ACOX3: variants seen among roughly 807,000 people sequenced by gnomAD.
The protein encoded by ACOX3 is acyl-CoA oxidase 3, pristanoyl, also known as peroxisomal acyl-coenzyme A oxidase 3.
Under a neutral mutation model 81.5 loss-of-function variants are expected in ACOX3, and 73 were observed. That is an observed-to-expected ratio of 0.90 (90% CI 0.74 to 1.09). ACOX3 has a LOEUF of 1.09. Among genes scored for constraint, ACOX3 ranks in the 50% least tolerant of loss-of-function variants. The pLI is 0.00. For synonymous variants in ACOX3, 387 were observed against 375.1 expected (o/e 1.03, Z -0.37); for missense variants, 947 against 928.0 (o/e 1.02, Z -0.27).
chr4:8,404,350 T>G (rs1055346965), intron 7 of ACOX3, among the ~76,000 whole-genome samples: 5 of 152,050 alleles, frequency 3.3e-5, no homozygotes, highest in African/African-American at 4.8e-5. Flanking sequence ...AGGTTCCTTG[T>G]ATTATTTTAG....
chr4:8,382,208 T>C lies in ACOX3; in HGVS notation c.1538-601A>G, dbSNP rs900421790. ...CAAAAGGGCAGGAGGGAGCAGATGT[T>C]GCAGACAGGGAGGCCCCGGGGTGGG... On this transcript the variant is annotated intron_variant, in intron 13 of 17. Coordinates refer to ENST00000356406, the MANE Select transcript of ACOX3 (RefSeq NM_003501.3). This position sits in a 1 kb window ranked among gnomAD's most constrained non-coding sequence, Gnocchi z 4.1. 4.6e-5 allele frequency among the ~76,000 whole-genome samples: 7 copies of C among 152,120 alleles called. No individual in the cohort carries two copies. Among genetic ancestry groups the C allele is most frequent in the African/African-American group, 1.7e-4 (7 of 41,436 alleles).
In ACOX3 at chr4:8,430,622, G is replaced by C. The variant is rs1455049573; in HGVS notation, c.-15+10026C>G. ...TATAATCTTAGCACTTTGGGAGGTC[G>C]AGGTGGGCAGATCACTTGAGGTCAG... On this transcript the variant is annotated intron_variant, in intron 1 of 17. Coordinates refer to ENST00000356406, the MANE Select transcript of ACOX3 (RefSeq NM_003501.3). The surrounding 1 kb of genome is among the most constrained non-coding windows in gnomAD (Gnocchi z 5.2). 6.6e-6 allele frequency among the ~76,000 whole-genome samples: 1 copy of C among 152,150 alleles called. No individual in the cohort carries two copies. The highest frequency in any genetic ancestry group is 1.9e-4 in the East Asian group (1 of 5,186).
In ACOX3 at chr4:8,399,462, C is replaced by T; in HGVS notation, c.873+94G>A. 8.9e-7 allele frequency: 1 copy of T among 1,129,858 alleles called. No individual in the cohort carries two copies. Among genetic ancestry groups the T allele is most frequent in the South Asian group, 1.4e-5 (1 of 72,774 alleles). 70.0% of individuals were successfully genotyped at this position (1,129,858 alleles called of 1,614,324 possible). A position where few individuals can be genotyped will look rare whatever the true frequency, so the allele number is the denominator to read the frequency against. The stretch of plus-strand genomic sequence containing the variant: ...CGACACCTGGCCTACGTGGAGGGGT[C>T]TCCTTTCCAGGTGCAGGGAGGAGCA... On this transcript the variant is annotated intron_variant, in intron 8 of 17. Coordinates refer to ENST00000356406, the MANE Select transcript of ACOX3 (RefSeq NM_003501.3). This position sits in a 1 kb window ranked among gnomAD's most constrained non-coding sequence, Gnocchi z 4.9.
chr4:8,398,701 C>T (rs892406147), intron 8 of ACOX3, among the ~76,000 whole-genome samples: 5 of 152,204 alleles, frequency 3.3e-5, no homozygotes, highest in Admixed American at 1.3e-4. Context: ...GTCTGGAACT[C>T]CTGGGCTCAA....
Position 8,394,510 on chromosome 4 carries a change from G to T in ACOX3, c.1179+110C>A. The T allele has an allele frequency of 1.4e-6, 2 of 1,477,156 alleles. No homozygotes were observed. Among genetic ancestry groups the T allele is most frequent in the East Asian group, 2.4e-5 (1 of 41,860 alleles). The allele number at this position is 1,477,156 out of a possible 1,614,324, so 91.5% of individuals were successfully genotyped here. A position where few individuals can be genotyped will look rare whatever the true frequency, so the allele number is the denominator to read the frequency against. On this transcript the variant is annotated intron_variant, in intron 10 of 17. Coordinates refer to ENST00000356406, the MANE Select transcript of ACOX3 (RefSeq NM_003501.3). This position sits in a 1 kb window ranked among gnomAD's most constrained non-coding sequence, Gnocchi z 5.9. ...GTGGGAACAACTGGAGGAATGCTCT[G>T]TCCTCGCAAATCAAAGGACTGATTT...
chr4:8,393,611 A>ACACG (rs1278288537), intron 10 of ACOX3, among the ~76,000 whole-genome samples: 6 of 116,004 alleles, frequency 5.2e-5, no homozygotes, highest in Non-Finnish European at 1.1e-4. Context: ...GAAGACACAC[A>ACACG]CACGCACACA....
intron 1 of ACOX3, among the ~76,000 whole-genome samples, chr4:8,420,797 C>G (rs931569129): frequency 9.2e-5 from 14 of 152,212 alleles, no homozygotes; most frequent in African/African-American, 3.1e-4. Flanking sequence ...TTCCACCCCT[C>G]CGGATCCAGC....
rs1227670359 is a variant in ACOX3 at position 8,414,624 on chromosome 4, A to T, written c.453+230T>A. ...AAGGTGGCAGGAACTGCTCATCAGG[A>T]AAAGACAGTGGAAGGCCTCAGTGAC... is the stretch of plus-strand genomic sequence containing the variant. On this transcript the variant is annotated intron_variant, in intron 4 of 17. Coordinates refer to ENST00000356406, the MANE Select transcript of ACOX3 (RefSeq NM_003501.3). The surrounding 1 kb of genome is among the most constrained non-coding windows in gnomAD (Gnocchi z 6.1). Among the ~76,000 whole-genome samples the T allele has an allele frequency of 6.6e-6, 1 of 152,192 alleles. No individual in the cohort carries two copies. Among genetic ancestry groups the T allele is most frequent in the Non-Finnish European group, 1.5e-5 (1 of 68,028 alleles).
At chr4:8,435,388 C>T (rs1324301279) in intron 1 of ACOX3, among the ~76,000 whole-genome samples, 1 of 152,004 alleles carries the variant, frequency 6.6e-6, no homozygotes, top group Non-Finnish European at 1.5e-5. Context: ...CCCAGCTACT[C>T]AAGAGGCTGA....
At chr4:8,435,801 T>G (rs1050722020) in intron 1 of ACOX3, among the ~76,000 whole-genome samples, 2 of 152,170 alleles carry the variant, frequency 1.3e-5, no homozygotes, top group Non-Finnish European at 2.9e-5. Context: ...GAAGCCAGTT[T>G]TGCAGGAGCC....
downstream of ACOX3, among the ~76,000 whole-genome samples, chr4:8,362,739 G>T (rs1450842445): frequency 5.3e-5 from 8 of 152,202 alleles, no homozygotes; most frequent in Non-Finnish European, 1.2e-4. Context: ...AAGCTATCTT[G>T]AGGCTCAAGA....
In ACOX3 at chr4:8,432,380, C is replaced by G. The variant is rs1724006917; in HGVS notation, c.-15+8268G>C. Among the ~76,000 whole-genome samples, 1 of 151,940 alleles carries G rather than the reference C, an allele frequency of 6.6e-6. No individual in the cohort carries two copies. Among genetic ancestry groups the G allele is most frequent in the Non-Finnish European group, 1.5e-5 (1 of 67,980 alleles). On this transcript the variant is annotated intron_variant, in intron 1 of 17. Transcript: ENST00000356406. This position sits in a 1 kb window ranked among gnomAD's most constrained non-coding sequence, Gnocchi z 6.2. ...TCCCGAGTAGCTGGGACTACAGGCG[C>G]CCACCACCACGCCCGGCTAATTTTT...
In ACOX3 at chr4:8,374,851, C is replaced by T. The variant is rs1409789465; in HGVS notation, c.1828+127G>A. On this transcript the variant is annotated intron_variant, in intron 15 of 17. Coordinates refer to ENST00000356406, the MANE Select transcript of ACOX3 (RefSeq NM_003501.3). Reference sequence around the variant, plus strand: ...TGGAACTGGGCTTCTCATCTGTCCACAGCGCCATCCGCCGTGCTCAGTGAG... The same window carrying T: ...TGGAACTGGGCTTCTCATCTGTCCATAGCGCCATCCGCCGTGCTCAGTGAG... 2.0e-5 allele frequency: 21 copies of T among 1,076,660 alleles called. No homozygotes were observed. The East Asian group carries it at 5.6e-4, about 29-fold the overall frequency. 66.7% of individuals were successfully genotyped at this position (1,076,660 alleles called of 1,614,324 possible).
chr4:8,426,410 C>T (rs535594461), intron 1 of ACOX3, among the ~76,000 whole-genome samples: 24 of 152,186 alleles, frequency 1.6e-4, no homozygotes, highest in Non-Finnish European at 2.9e-4. Flanking sequence ...CAGGAGACAA[C>T]GCTAGCTATT....
rs534007401 is a variant in ACOX3 at position 8,366,699 on chromosome 4, A to T, written c.*262T>A. The T allele has an allele frequency of 6.2e-5, 18 of 291,512 alleles. No individual in the cohort carries two copies. Among genetic ancestry groups the T allele is most frequent in the African/African-American group, 3.9e-4 (18 of 46,706 alleles). 18.1% of individuals were successfully genotyped at this position (291,512 alleles called of 1,614,324 possible). ...ATGTGCGAAATTCTAATTATCAAAA[A>T]ACCCACGGCGCATCAGGTAGACATG... On this transcript the variant is annotated 3_prime_UTR_variant, in exon 18 of 18. Coordinates refer to ENST00000356406, the MANE Select transcript of ACOX3 (RefSeq NM_003501.3).
rs1719448746 is a variant in ACOX3, at chr4:8,394,537, G to A, written c.1179+83C>T. On this transcript the variant is annotated intron_variant, in intron 10 of 17. Transcript: ENST00000356406. This position sits in a 1 kb window ranked among gnomAD's most constrained non-coding sequence, Gnocchi z 5.9. ...CCTCGCAAATCAAAGGACTGATTTT[G>A]CTTTGAAATGAAGGTTGAATCTATG... is the stretch of plus-strand genomic sequence containing the variant. The A allele has an allele frequency of 2.6e-6, 4 of 1,547,986 alleles. No homozygotes were observed. In the African/African-American group the frequency reaches 5.4e-5, roughly 21 times the overall value.
intron 1 of ACOX3, among the ~76,000 whole-genome samples, chr4:8,421,966 C>T (rs1722995545): frequency 6.6e-6 from 1 of 152,240 alleles, no homozygotes; most frequent in South Asian, 2.1e-4. Context: ...TGACCCAGTA[C>T]TTTAACAACT....
rs1715752478 is a variant in ACOX3, at chr4:8,368,489, C to T, written c.1984-1409G>A. 6.6e-6 allele frequency among the ~76,000 whole-genome samples: 1 copy of T among 152,222 alleles called. No individual in the cohort carries two copies. The highest frequency in any genetic ancestry group is 1.5e-5 in the Non-Finnish European group (1 of 68,038). On this transcript the variant is annotated intron_variant, in intron 17 of 17. Transcript: ENST00000356406. The surrounding 1 kb of genome is among the most constrained non-coding windows in gnomAD (Gnocchi z 5.9). ...TTGAGAAGAAACCCCTCTGCCTGCA[C>T]CCGCTAAATGCACTTAGCAACCCCT...
rs1351308039 is a variant in ACOX3, at chr4:8,399,538, G to A, written c.873+18C>T. 4.4e-6 allele frequency: 7 copies of A among 1,597,134 alleles called. No homozygotes were observed. The highest frequency in any genetic ancestry group is 6.0e-6 in the Non-Finnish European group (7 of 1,165,032). ...CACCTGGGAAGCACGGCACACGAAC[G>A]GCCCCCCATGCCTGTACCTTAAAGG... On this transcript the variant is annotated intron_variant, in intron 8 of 17. Transcript: ENST00000356406. The surrounding 1 kb of genome is among the most constrained non-coding windows in gnomAD (Gnocchi z 4.9).
Sources: gnomAD v4.1 joint callset for allele counts (sites outside exome capture counted in the v4.1 genomes callset) on GRCh38, gnomAD v4.1.1 for gene constraint, Gnocchi (gnomAD v3.1) non-coding constraint, MANE v1.5 for transcripts, NCBI Gene and HGNC (gene_info 2026-07-23, HGNC 2026-07-21) for gene names.